NAT10: variants seen among roughly 807,000 people sequenced by gnomAD.
NAT10 encodes RNA cytidine acetyltransferase.
A neutral mutation model predicts 132.2 loss-of-function variants in NAT10; 109 were observed. The observed-to-expected ratio is 0.82, with a 90% CI of 0.71 to 0.97. The LOEUF is 0.97. Ranked by LOEUF, NAT10 falls within the 50% of genes least tolerant of loss-of-function variation. NAT10 has a pLI of 0.00. For missense variants in NAT10, 1,184 were observed against 1,263.4 expected (o/e 0.94, Z 0.95); for synonymous variants, 479 against 478.0 (o/e 1.00, Z -0.03).
rs760205132 is a variant in NAT10 at position 34,140,571 on chromosome 11, C to T, written c.2591C>T (p.Ser864Leu). ...LGDLALSAAQ[S>L]ALLLGIGLQH... ...GACCTGGCCCTGTCTGCGGCTCAGT[C>T]GGTATGCTATCTGTTGCTTGCGTGG... The change falls in exon 24 of 29, where the codon TCG becomes TTG. Residue 864 changes from serine (S) to leucine (L), a missense_variant and splice_region_variant. Physicochemically the swap from Ser to Leu is moderately radical, Grantham distance 145. Coordinates refer to ENST00000257829, the MANE Select transcript of NAT10 (RefSeq NM_024662.3). 6.2e-6 allele frequency: 10 copies of T among 1,613,388 alleles called. No homozygotes were observed. The highest frequency in any genetic ancestry group is 2.2e-5 in the East Asian group (1 of 44,860).
At chr11:34,135,670 T>C (rs984369133) in intron 19 of NAT10, among the ~76,000 whole-genome samples, 1 of 152,236 alleles carries the variant, frequency 6.6e-6, no homozygotes, top group Admixed American at 6.5e-5. Flanking sequence ...TAAGAATGAC[T>C]AATACTAGTA....
chr11:34,118,185 T>C lies in NAT10; in HGVS notation c.563T>C (p.Ile188Thr). Residue 188 changes from isoleucine to threonine, a missense_variant, in exon 7 of 29, where the codon ATT (isoleucine) becomes ACT (threonine). Coordinates refer to ENST00000257829, the MANE Select transcript of NAT10 (RefSeq NM_024662.3). The part of the protein sequence containing the change: ...DVVGRFNERF[I>T]LSLASCKKCL... Reference sequence around the variant, plus strand: ...GCAGCGGTTTTGTATCTCAGGTTTATTCTGTCTCTGGCCTCTTGTAAGAAG... The same window carrying C: ...GCAGCGGTTTTGTATCTCAGGTTTACTCTGTCTCTGGCCTCTTGTAAGAAG... The C allele has an allele frequency of 6.2e-7, 1 of 1,613,430 alleles. No homozygotes were observed. Among genetic ancestry groups the C allele is most frequent in the Non-Finnish European group, 8.5e-7 (1 of 1,179,330 alleles).
At chr11:34,113,249 A>G (rs1851726311) in intron 4 of NAT10, among the ~76,000 whole-genome samples, 2 of 152,258 alleles carry the variant, frequency 1.3e-5, no homozygotes, top group Admixed American at 6.5e-5. Context: ...AAATTCAAGT[A>G]TGAATCAGTG....
At chr11:34,123,326 C>T (rs1289373287) in intron 9 of NAT10, among the ~76,000 whole-genome samples, 1 of 152,254 alleles carries the variant, frequency 6.6e-6, no homozygotes, top group Non-Finnish European at 1.5e-5. Flanking sequence ...CAGTCAGCCT[C>T]TTAGCCATTA....
intron 8 of NAT10, 120 bp downstream of exon 8, chr11:34,118,623 C>T (rs985210402): frequency 3.3e-5 from 23 of 703,968 alleles, no homozygotes; most frequent in Non-Finnish European, 5.1e-5. Flanking sequence ...GGGACTTTTC[C>T]CCTTGCTCAT....
chr11:34,113,967 C>T, intron 5 of NAT10, 129 bp downstream of exon 5: 1 of 1,120,126 alleles, frequency 8.9e-7, no homozygotes, highest in Non-Finnish European at 1.2e-6. Flanking sequence ...GGGCTAAGAG[C>T]TCTTTGATTT....
At chr11:34,107,855 C>T (rs1590757430) in intron 1 of NAT10, among the ~76,000 whole-genome samples, 1 of 152,256 alleles carries the variant, frequency 6.6e-6, no homozygotes, top group Non-Finnish European at 1.5e-5. Flanking sequence ...AGCCTGGCGA[C>T]AGAGTGAGAC....
chr11:34,127,858 T>A (rs1852025493), intron 12 of NAT10, among the ~76,000 whole-genome samples: 1 of 152,236 alleles, frequency 6.6e-6, no homozygotes, highest in African/African-American at 2.4e-5. Context: ...TGTCTGCTTC[T>A]GTCTGTAGGT....
Position 34,127,455 on chromosome 11 carries a change from C to T in NAT10, c.1108-8C>T, listed in dbSNP as rs1383585748. ...TATGCTAATAATCTAAATTTTCCTT[C>T]CCCATAGTATATACATCCTGCAGAT... On this transcript the variant is annotated splice_polypyrimidine_tract_variant and splice_region_variant and intron_variant, in intron 11 of 28. Coordinates refer to ENST00000257829, the MANE Select transcript of NAT10 (RefSeq NM_024662.3). 1 of 1,591,654 alleles carries T rather than the reference C, an allele frequency of 6.3e-7. No homozygotes were observed. The highest frequency in any genetic ancestry group is 2.3e-5 in the East Asian group (1 of 43,510).
intron 26 of NAT10, 84 bp downstream of exon 26, chr11:34,141,901 C>T (rs1030305395): frequency 1.7e-6 from 2 of 1,179,914 alleles, no homozygotes; most frequent in African/African-American, 3.0e-5. Flanking sequence ...TTCCCCTTCC[C>T]CTTTAGAAAG....
chr11:34,137,229 C>T (rs193173765), intron 21 of NAT10, among the ~76,000 whole-genome samples: 1 of 152,348 alleles, frequency 6.6e-6, no homozygotes, highest in Admixed American at 6.5e-5. Flanking sequence ...TCTCCGACTA[C>T]ACGGTGCATG....
At position 34,146,547 on chromosome 11, in the gene NAT10, C is replaced by G. The variant is rs1234716707; in HGVS notation, c.*355C>G. 1.7e-5 allele frequency: 3 copies of G among 173,354 alleles called. No homozygotes were observed. Among genetic ancestry groups the G allele is most frequent in the Admixed American group, 1.7e-4 (3 of 17,354 alleles). The allele number at this position is 173,354 out of a possible 1,614,324, so 10.7% of individuals were successfully genotyped here. ...GGAAGCCACGTTGCCTCTCGACCGC[C>G]TGAGGCCCTTAAGTACATCGCTTTC... is the stretch of plus-strand genomic sequence containing the variant. On this transcript the variant is annotated 3_prime_UTR_variant, in exon 29 of 29. Transcript: ENST00000257829.
rs906013905 is a variant in NAT10, at chr11:34,135,225, C to T, written c.1962C>T (p.Gly654=). The change falls in exon 19 of 29, where the codon GGC becomes GGT. Residue 654 remains glycine, a synonymous_variant. Transcript: ENST00000257829. ...ALQLLQMYYE[G]RFPCLEEKVL... ...AGCTGCTGCAGATGTACTATGAAGG[C>T]AGGTTTCCTTGTCTGGAGGAAAAGG... The T allele has an allele frequency of 2.5e-6, 4 of 1,614,024 alleles. No homozygotes were observed. Among genetic ancestry groups the T allele is most frequent in the Non-Finnish European group, 3.4e-6 (4 of 1,180,036 alleles).
intron 3 of NAT10, among the ~76,000 whole-genome samples, chr11:34,110,356 C>G (rs1406764131): frequency 6.6e-6 from 1 of 151,720 alleles, no homozygotes; most frequent in Non-Finnish European, 1.5e-5. Flanking sequence ...CCACTTCCAC[C>G]TCCCCGGTAT....
At position 34,143,329 on chromosome 11, in the gene NAT10, A is replaced by T; in HGVS notation, c.2886-116A>T. ...TGCTGTTCAAATGCTGACACAGCTC[A>T]GCCTGGCTTTCATGACAGGAAGTGT... On this transcript the variant is annotated intron_variant, in intron 27 of 28. Transcript: ENST00000257829. The T allele has an allele frequency of 6.9e-6, 6 of 873,176 alleles. No individual in the cohort carries two copies. In the South Asian group the frequency reaches 1.0e-4, roughly 15 times the overall value. The allele number at this position is 873,176 out of a possible 1,614,324, so 54.1% of individuals were successfully genotyped here. A position where few individuals can be genotyped will look rare whatever the true frequency, so the allele number is the denominator to read the frequency against.
intron 8 of NAT10, 149 bp from the exon 9 acceptor site, chr11:34,122,310 C>T: frequency 1.1e-6 from 1 of 932,082 alleles, no homozygotes; most frequent in Non-Finnish European, 1.6e-6. Context: ...AGTGAGAAGT[C>T]CAGGTGCTGA....
chr11:34,143,914 A>G (rs1852386988), intron 28 of NAT10, among the ~76,000 whole-genome samples: 1 of 152,194 alleles, frequency 6.6e-6, no homozygotes, highest in Non-Finnish European at 1.5e-5. Flanking sequence ...ATGAAGTAAC[A>G]AGGCTCTCAG....
In NAT10 at chr11:34,118,485, C is replaced by G; in HGVS notation, c.762C>G (p.Cys254Trp). The G allele has an allele frequency of 6.2e-7, 1 of 1,613,720 alleles. No individual in the cohort carries two copies. The highest frequency in any genetic ancestry group is 8.5e-7 in the Non-Finnish European group (1 of 1,179,780). Residue 254 changes from cysteine (C) to tryptophan (W), a missense_variant, in exon 8 of 29, where the codon TGC becomes TGG. Cys to Trp is a radical substitution (Grantham distance 215, BLOSUM62 -2). Coordinates refer to ENST00000257829, the MANE Select transcript of NAT10 (RefSeq NM_024662.3). ...AGCCTGTGGGTGTGTTGGTGGACTGCTGTAAGACTCTAGACCAGGTGAGTG... is the reference window on the plus strand; with the variant it reads ...AGCCTGTGGGTGTGTTGGTGGACTGGTGTAAGACTCTAGACCAGGTGAGTG... The part of the protein sequence containing the change: ...DTQPVGVLVD[C>W]CKTLDQAKAV...
intron 21 of NAT10, among the ~76,000 whole-genome samples, chr11:34,137,863 C>G (rs1209078682): frequency 2.0e-5 from 3 of 152,128 alleles, no homozygotes; most frequent in Non-Finnish European, 2.9e-5. Context: ...TGGGAGTCAG[C>G]CCTGTTGAGA....
Sources: gnomAD v4.1 joint callset for allele counts (sites outside exome capture counted in the v4.1 genomes callset) on GRCh38, gnomAD v4.1.1 for gene constraint, MANE v1.5 for transcripts, NCBI Gene and HGNC (gene_info 2026-07-23, HGNC 2026-07-21) for gene names.